BCAS3: variants seen among roughly 807,000 people sequenced by gnomAD.
BCAS3 encodes the protein BCAS4/BCAS3 fusion.
BCAS3 carries 53 observed loss-of-function variants against 116.1 expected under a neutral mutation model. The ratio of observed to expected loss-of-function variants is 0.46; its 90% CI spans 0.37 to 0.57. BCAS3 has a LOEUF of 0.57. Among genes scored for constraint, BCAS3 ranks in the 20% least tolerant of loss-of-function variants. BCAS3 has a pLI of 0.00. For missense variants in BCAS3, 917 were observed against 1,165.4 expected, an observed-to-expected ratio of 0.79 and a Z score of 3.10; for synonymous variants, 391 against 408.2, an observed-to-expected ratio of 0.96 and a Z score of 0.51.
intron 6 of BCAS3, among the ~76,000 whole-genome samples, chr17:60,788,268 A>C (rs931175495): frequency 1.3e-5 from 2 of 152,178 alleles, no homozygotes; most frequent in Non-Finnish European, 2.9e-5. Flanking sequence ...TTTAAGGTTC[A>C]TACATGGCAT....
chr17:60,757,363 T>A (rs8072558), intron 6 of BCAS3, among the ~76,000 whole-genome samples: 116,546 of 148,780 alleles, frequency 0.78, 48,381 homozygotes, highest in South Asian at 0.98. Context: ...AATAAATAAA[T>A]GAGTTTCTCT....
chr17:61,129,351 G>A (rs2076211204), intron 22 of BCAS3, among the ~76,000 whole-genome samples: 1 of 152,168 alleles, frequency 6.6e-6, no homozygotes. Flanking sequence ...TAACATGATT[G>A]TTAGCTTAGA....
intron 17 of BCAS3, among the ~76,000 whole-genome samples, chr17:61,035,673 A>G (rs1374416080): frequency 6.6e-6 from 1 of 151,890 alleles, no homozygotes; most frequent in Admixed American, 6.6e-5. Flanking sequence ...GAATTAATAT[A>G]CAGTAGTCTC....
chr17:61,328,020 A>G (rs980038430), intron 22 of BCAS3, among the ~76,000 whole-genome samples: 16 of 152,230 alleles, frequency 1.1e-4, no homozygotes, highest in Admixed American at 2.6e-4. Context: ...CCACAAAAAT[A>G]TAGGTAAAAT....
chr17:61,163,892 A>C (rs1218959146), intron 22 of BCAS3, among the ~76,000 whole-genome samples: 1 of 150,884 alleles, frequency 6.6e-6, no homozygotes, highest in Non-Finnish European at 1.5e-5. Flanking sequence ...AGTCTGAGCC[A>C]GGAGAATCGC....
At chr17:61,060,466 C>A (rs771185713) in intron 19 of BCAS3, among the ~76,000 whole-genome samples, 6 of 151,950 alleles carry the variant, frequency 3.9e-5, no homozygotes, top group African/African-American at 7.3e-5. Context: ...ATGGATGATA[C>A]ATATAGTGTT....
chr17:60,747,414 A>G, intron 6 of BCAS3, 135 bp downstream of exon 6: 2 of 654,290 alleles, frequency 3.1e-6, no homozygotes, highest in South Asian at 4.2e-5. Flanking sequence ...ACCTCCCCCA[A>G]AGATAAACTT....
chr17:60,686,152 G>A (rs2034006439), intron 3 of BCAS3, among the ~76,000 whole-genome samples: 1 of 152,122 alleles, frequency 6.6e-6, no homozygotes, highest in Non-Finnish European at 1.5e-5. Context: ...ACAGGTGTGA[G>A]CCACCGCACC....
chr17:60,780,465 G>T (rs1445645210), intron 6 of BCAS3, among the ~76,000 whole-genome samples: 1 of 151,864 alleles, frequency 6.6e-6, no homozygotes, highest in African/African-American at 2.4e-5. Context: ...ACCATGCCTG[G>T]CTAATTTATC....
rs887642928 is a variant in BCAS3, at chr17:61,391,441, G to A, written c.2594-536G>A. The stretch of plus-strand genomic sequence containing the variant: ...TGAGCCAAGACCTGGCCAGCAGATG[G>A]ACTGTGTGGGTGAGCATGAGTGAAT... On this transcript the variant is annotated intron_variant, in intron 23 of 23. Transcript: ENST00000407086. This position sits in a 1 kb window ranked among gnomAD's most constrained non-coding sequence, Gnocchi z 7.7. The A allele has an allele frequency of 1.3e-5, 2 of 153,060 alleles. No individual in the cohort carries two copies. Among genetic ancestry groups the A allele is most frequent in the African/African-American group, 4.8e-5 (2 of 41,462 alleles). 9.5% of individuals were successfully genotyped at this position (153,060 alleles called of 1,614,324 possible). A position where few individuals can be genotyped will look rare whatever the true frequency, so the allele number is the denominator to read the frequency against.
At position 61,226,730 on chromosome 17, in the gene BCAS3, C is replaced by T. The variant is rs1478984409; in HGVS notation, c.2426-141597C>T. 2.6e-5 allele frequency among the ~76,000 whole-genome samples: 4 copies of T among 152,188 alleles called. 1 individual carries two copies. Among genetic ancestry groups the T allele is most frequent in the South Asian group, 4.1e-4 (2 of 4,826 alleles). ...TCTCTTAGAAACCTTTAATTGACTA[C>T]CTAATATGTGCCAGATACCCATAGC... On this transcript the variant is annotated intron_variant, in intron 22 of 23. Coordinates refer to ENST00000407086, the MANE Select transcript of BCAS3 (RefSeq NM_017679.5). This position sits in a 1 kb window ranked among gnomAD's most constrained non-coding sequence, Gnocchi z 6.0.
rs2059988984 is a variant in BCAS3, at chr17:61,388,906, G to A, written c.2594-3071G>A. 4 of 569,432 alleles carry A rather than the reference G, an allele frequency of 7.0e-6. No individual in the cohort carries two copies. The highest frequency in any genetic ancestry group is 1.9e-5 in the African/African-American group (1 of 53,216). 35.3% of individuals were successfully genotyped at this position (569,432 alleles called of 1,614,324 possible). A position where few individuals can be genotyped will look rare whatever the true frequency, so the allele number is the denominator to read the frequency against. On this transcript the variant is annotated intron_variant, in intron 23 of 23. Transcript: ENST00000407086. The surrounding 1 kb of genome is among the most constrained non-coding windows in gnomAD (Gnocchi z 6.5). ...GCTGCCCCGGGGCCAGCAGGCCCCC[G>A]ATTCTTTCAGTTAGTCTGTGTTGAA...
intron 7 of BCAS3, among the ~76,000 whole-genome samples, chr17:60,857,123 A>G (rs1044114924): frequency 2.6e-5 from 4 of 152,236 alleles, no homozygotes; most frequent in African/African-American, 7.2e-5. Flanking sequence ...GGTCAGTTAA[A>G]GAGAATTTGC....
At chr17:60,977,136 T>G (rs1568015207) in intron 14 of BCAS3, among the ~76,000 whole-genome samples, 1 of 151,910 alleles carries the variant, frequency 6.6e-6, no homozygotes, top group South Asian at 2.1e-4. Context: ...ACAGGGCGGC[T>G]GGCCAGGCGG....
chr17:61,065,538 T>C lies in BCAS3; in HGVS notation c.2030-9382T>C, dbSNP rs372991399. ...AGCTGTTTCATTCAAGGCAGCATGA[T>C]GTCATTTAACTGCAAATTTCTCTGT... On this transcript the variant is annotated intron_variant, in intron 19 of 23. Transcript: ENST00000407086. This position sits in a 1 kb window ranked among gnomAD's most constrained non-coding sequence, Gnocchi z 4.8. 6.6e-6 allele frequency among the ~76,000 whole-genome samples: 1 copy of C among 152,250 alleles called. No homozygotes were observed. Among genetic ancestry groups the C allele is most frequent in the African/African-American group, 2.4e-5 (1 of 41,478 alleles).
chr17:61,114,711 A>G (rs1386798671), intron 22 of BCAS3, among the ~76,000 whole-genome samples: 1 of 152,038 alleles, frequency 6.6e-6, no homozygotes, highest in African/African-American at 2.4e-5. Context: ...GCTACCAATG[A>G]CTTTCTTCAC....
chr17:61,233,158 C>T lies in BCAS3; in HGVS notation c.2426-135169C>T, dbSNP rs544161655. 1.3e-5 allele frequency among the ~76,000 whole-genome samples: 2 copies of T among 152,134 alleles called. No homozygotes were observed. Among genetic ancestry groups the T allele is most frequent in the Non-Finnish European group, 2.9e-5 (2 of 68,004 alleles). On this transcript the variant is annotated intron_variant, in intron 22 of 23. Transcript: ENST00000407086. The surrounding 1 kb of genome is among the most constrained non-coding windows in gnomAD (Gnocchi z 4.3). ...AAAAATACTTCTTTTTTAAAAAACTCCTCTCCATATTATCTAGCAACACTC... is the reference window on the plus strand; with the variant it reads ...AAAAATACTTCTTTTTTAAAAAACTTCTCTCCATATTATCTAGCAACACTC...
chr17:60,892,494 A>G (rs113578137), intron 10 of BCAS3, among the ~76,000 whole-genome samples: 26,969 of 151,694 alleles, frequency 0.18, 2,791 homozygotes, highest in African/African-American at 0.29. Flanking sequence ...TTTTTAGTAG[A>G]GATGGGGTTT....
Position 61,356,660 on chromosome 17 carries a change from G to A in BCAS3, c.2426-11667G>A, listed in dbSNP as rs1304689319. Among the ~76,000 whole-genome samples, 1 of 152,212 alleles carries A rather than the reference G, an allele frequency of 6.6e-6. No individual in the cohort carries two copies. The highest frequency in any genetic ancestry group is 1.5e-5 in the Non-Finnish European group (1 of 68,028). On this transcript the variant is annotated intron_variant, in intron 22 of 23. Coordinates refer to ENST00000407086, the MANE Select transcript of BCAS3 (RefSeq NM_017679.5). This position sits in a 1 kb window ranked among gnomAD's most constrained non-coding sequence, Gnocchi z 5.4. ...TTTATCCAGAGGTTAGTTGTAGGCA[G>A]GGGAGACAAAGAGGACAGGTAAAGG...
Sources: gnomAD v4.1 joint callset for allele counts (sites outside exome capture counted in the v4.1 genomes callset) on GRCh38, gnomAD v4.1.1 for gene constraint, Gnocchi (gnomAD v3.1) non-coding constraint, MANE v1.5 for transcripts, NCBI Gene and HGNC (gene_info 2026-07-23, HGNC 2026-07-21) for gene names.